SEZ6L: variants seen among roughly 807,000 people sequenced by gnomAD.
SEZ6L encodes seizure 6-like protein.
Under a neutral mutation model 106.2 loss-of-function variants are expected in SEZ6L, and 37 were observed. That is an observed-to-expected ratio of 0.35 (90% CI 0.27 to 0.46). The LOEUF (loss-of-function observed/expected upper bound fraction) is 0.46. SEZ6L is among the 20% of genes least tolerant of loss of function. SEZ6L has a pLI of 1.00. For synonymous variants in SEZ6L, 541 were observed against 570.4 expected, an observed-to-expected ratio of 0.95 and a Z score of 0.73; for missense variants, 1,172 against 1,332.8, an observed-to-expected ratio of 0.88 and a Z score of 1.88.
chr22:26,190,893 AC>A (rs1395784203), intron 1 of SEZ6L, among the ~76,000 whole-genome samples: 1 of 152,200 alleles, frequency 6.6e-6, no homozygotes, highest in African/African-American at 2.4e-5. Flanking sequence ...TAATAAAATG[AC>A]CCAATTGTGA....
chr22:26,235,337 G>C (rs147344301), intron 1 of SEZ6L, among the ~76,000 whole-genome samples: 1 of 152,170 alleles, frequency 6.6e-6, no homozygotes, highest in Non-Finnish European at 1.5e-5. Context: ...CTGTCATAGA[G>C]TATCCATGTA....
At chr22:26,245,158 A>G (rs1167047057) in intron 1 of SEZ6L, among the ~76,000 whole-genome samples, 1 of 151,938 alleles carries the variant, frequency 6.6e-6, no homozygotes, top group Non-Finnish European at 1.5e-5. Flanking sequence ...GCATCAGGGG[A>G]GGGAGAACAG....
chr22:26,359,960 A>T (rs547037972), intron 12 of SEZ6L, among the ~76,000 whole-genome samples: 1 of 152,340 alleles, frequency 6.6e-6, no homozygotes, highest in African/African-American at 2.4e-5. Context: ...TGTTTTGGTC[A>T]TGATTGTTAT....
At chr22:26,295,911 A>G (rs1000024155) in intron 3 of SEZ6L, among the ~76,000 whole-genome samples, 1 of 152,122 alleles carries the variant, frequency 6.6e-6, no homozygotes, top group Non-Finnish European at 1.5e-5. Context: ...GGAAGGTCTC[A>G]TAGAGGAGGG....
intron 1 of SEZ6L, among the ~76,000 whole-genome samples, chr22:26,252,243 C>T (rs971808763): frequency 6.6e-6 from 1 of 152,122 alleles, no homozygotes; most frequent in Non-Finnish European, 1.5e-5. Context: ...AAAAGGGTAA[C>T]CTAACTCTAG....
chr22:26,230,054 C>A (rs2145742843), intron 1 of SEZ6L, among the ~76,000 whole-genome samples: 1 of 152,342 alleles, frequency 6.6e-6, no homozygotes, highest in South Asian at 2.1e-4. Context: ...GTGCCCGCAG[C>A]TGTGAAGACG....
At position 26,169,753 on chromosome 22, in the gene SEZ6L, G is replaced by T; in HGVS notation, c.84G>T (p.Ala28=). The T allele has an allele frequency of 8.0e-7, 1 of 1,253,240 alleles. No homozygotes were observed. Among genetic ancestry groups the T allele is most frequent in the Non-Finnish European group, 1.0e-6 (1 of 999,732 alleles). 77.6% of individuals were successfully genotyped at this position (1,253,240 alleles called of 1,614,324 possible). A position where few individuals can be genotyped will look rare whatever the true frequency, so the allele number is the denominator to read the frequency against. Reference sequence around the variant, plus strand: ...TGCTCCTGGGGAGCCCGGCGGCAGCGCTGGAGCGAGGTAAGCGCCCCGAGG... The same window carrying T: ...TGCTCCTGGGGAGCCCGGCGGCAGCTCTGGAGCGAGGTAAGCGCCCCGAGG... The part of the protein sequence containing the change: ...LALLLGSPAA[A]LERDALPEGD... Residue 28 remains alanine, a synonymous_variant, in exon 1 of 17, where the codon GCG becomes GCT. Coordinates refer to ENST00000248933, the MANE Select transcript of SEZ6L (RefSeq NM_021115.5).
chr22:26,286,030 G>A (rs1004488028), intron 1 of SEZ6L, among the ~76,000 whole-genome samples: 4 of 152,208 alleles, frequency 2.6e-5, no homozygotes, highest in African/African-American at 7.2e-5. Flanking sequence ...CAGGTTGGGC[G>A]AGTCTTTATA....
intron 1 of SEZ6L, among the ~76,000 whole-genome samples, chr22:26,271,809 C>G (rs1601334677): frequency 6.6e-6 from 1 of 152,178 alleles, no homozygotes; most frequent in Non-Finnish European, 1.5e-5. Flanking sequence ...AACTACCCAG[C>G]CTTGGGCATT....
intron 1 of SEZ6L, among the ~76,000 whole-genome samples, chr22:26,240,631 C>A (rs1413629431): frequency 1.3e-5 from 2 of 152,140 alleles, no homozygotes; most frequent in African/African-American, 4.8e-5. Context: ...GGGAACCAGA[C>A]TCAGCCTTCC....
chr22:26,293,148 T>C lies in SEZ6L; in HGVS notation c.835+2T>C. ...TCATCACCACCGAGCAGGCACCAGG[T>C]ATGCAGCCCCCAACTCCTGAAGCCA... On this transcript the variant is annotated splice_donor_variant, in intron 2 of 16. Coordinates refer to ENST00000248933, the MANE Select transcript of SEZ6L (RefSeq NM_021115.5). LOFTEE classifies it high-confidence loss of function. 2.0e-6 allele frequency: 3 copies of C among 1,518,428 alleles called. No homozygotes were observed. Among genetic ancestry groups the C allele is most frequent in the Non-Finnish European group, 2.6e-6 (3 of 1,141,556 alleles). 94.1% of individuals were successfully genotyped at this position (1,518,428 alleles called of 1,614,324 possible).
At chr22:26,342,077 T>G (rs1601551456) in intron 10 of SEZ6L, among the ~76,000 whole-genome samples, 1 of 152,182 alleles carries the variant, frequency 6.6e-6, no homozygotes, top group East Asian at 1.9e-4. Flanking sequence ...GCTCCAAAGC[T>G]TCCTCCACCC....
intron 1 of SEZ6L, among the ~76,000 whole-genome samples, chr22:26,175,433 G>A (rs749651614): frequency 1.7e-4 from 26 of 152,230 alleles, no homozygotes; most frequent in South Asian, 4.1e-4. Context: ...TAAATCCTTG[G>A]TGCCTTCCAA....
chr22:26,180,463 A>G lies in SEZ6L; in HGVS notation c.94+10700A>G, dbSNP rs1471082720. On this transcript the variant is annotated intron_variant, in intron 1 of 16. Transcript: ENST00000248933. The stretch of plus-strand genomic sequence containing the variant: ...GCTATTCAGTTGAATAAATGAGTGA[A>G]TGGATGAATCAATGAATGAATGATA... 2.6e-5 allele frequency among the ~76,000 whole-genome samples: 4 copies of G among 152,340 alleles called. No homozygotes were observed. The East Asian group carries it at 5.8e-4, about 22-fold the overall frequency.
intron 9 of SEZ6L, among the ~76,000 whole-genome samples, chr22:26,338,201 G>C (rs146046243): frequency 6.6e-6 from 1 of 152,096 alleles, no homozygotes; most frequent in East Asian, 1.9e-4. Flanking sequence ...GTGTCTCCCC[G>C]TCTCCTGCAA....
At chr22:26,368,301 A>G (rs1395199799) in intron 13 of SEZ6L, among the ~76,000 whole-genome samples, 1 of 152,224 alleles carries the variant, frequency 6.6e-6, no homozygotes, top group East Asian at 1.9e-4. Flanking sequence ...CCTGTCTAAG[A>G]ATGTTTATAG....
Position 26,293,002 on chromosome 22 carries a change from G to T in SEZ6L, c.691G>T (p.Glu231Ter). Residue 231 changes from glutamate (E) to a stop codon, truncating the protein, a stop_gained, in exon 2 of 17, where the codon GAG becomes TAG. Coordinates refer to ENST00000248933, the MANE Select transcript of SEZ6L (RefSeq NM_021115.5). LOFTEE classifies it high-confidence loss of function. ...PGEPGPDMAQ[E>*]APQEDTSPMA... ...GGAGCCTGGGCCTGACATGGCCCAG[G>T]AGGCCCCCCAGGAGGACACCAGCCC... is the stretch of plus-strand genomic sequence containing the variant. The T allele has an allele frequency of 6.2e-7, 1 of 1,614,174 alleles. No homozygotes were observed. The highest frequency in any genetic ancestry group is 1.1e-5 in the South Asian group (1 of 91,086).
intron 1 of SEZ6L, among the ~76,000 whole-genome samples, chr22:26,236,786 G>T (rs146535357): frequency 2.6e-5 from 4 of 152,214 alleles, no homozygotes; most frequent in Non-Finnish European, 5.9e-5. Flanking sequence ...AAATCAATCA[G>T]TAATACCTGC....
chr22:26,232,879 T>C (rs1271297314), intron 1 of SEZ6L, among the ~76,000 whole-genome samples: 1 of 152,204 alleles, frequency 6.6e-6, no homozygotes, highest in South Asian at 2.1e-4. Flanking sequence ...ACGGGGACGA[T>C]GTCAGAAAGT....
Sources: allele counts gnomAD v4.1 joint callset (sites outside exome capture counted in the v4.1 genomes callset), GRCh38; gene constraint gnomAD v4.1.1; transcripts MANE v1.5; gene names NCBI Gene and HGNC (gene_info 2026-07-23, HGNC 2026-07-21).